ATP10B: variants seen among roughly 807,000 people sequenced by gnomAD.
The protein encoded by ATP10B is ATPase phospholipid transporting 10B (putative).
A neutral mutation model predicts 141.2 loss-of-function variants in ATP10B; 122 were observed. The observed-to-expected ratio is 0.86, with a 90% confidence interval of 0.75 to 1.00. The LOEUF (loss-of-function observed/expected upper bound fraction) is 1.00, where lower values mean the gene tolerates loss of function less well. Among genes scored for constraint, ATP10B ranks in the 50% least tolerant of loss-of-function variants. The pLI is 0.00. For synonymous variants in ATP10B, 685 were observed against 692.0 expected, an observed-to-expected ratio of 0.99 and a Z score of 0.16; for missense variants, 1,876 against 1,825.3, an observed-to-expected ratio of 1.03 and a Z score of -0.51.
At chr5:160,749,872 A>C (rs903756156) in intron 2 of ATP10B, among the ~76,000 whole-genome samples, 1 of 152,164 alleles carries the variant, frequency 6.6e-6, no homozygotes, top group Non-Finnish European at 1.5e-5. Flanking sequence ...CCCTATCTTC[A>C]TGGCACTCTA....
At position 160,606,860 on chromosome 5, in the gene ATP10B, C is replaced by T. The variant is rs1156984317; in HGVS notation, c.3065G>A (p.Cys1022Tyr). 6.2e-7 allele frequency: 1 copy of T among 1,614,058 alleles called. No homozygotes were observed. The highest frequency in any genetic ancestry group is 8.5e-7 in the Non-Finnish European group (1 of 1,180,016). Reference sequence around the variant, plus strand: ...GGAGCGGCAGCACAGGACGGACCGACAATACTGGGTCAATTCCAGAAACTT... The same window carrying T: ...GGAGCGGCAGCACAGGACGGACCGATAATACTGGGTCAATTCCAGAAACTT... ...EKKFLELTQY[C>Y]RSVLCCRSTP... Residue 1022 changes from cysteine (C) to tyrosine (Y), a missense_variant, in exon 19 of 26, where the codon TGT becomes TAT. Cys to Tyr is a radical substitution (Grantham distance 194). Transcript: ENST00000327245.
chr5:160,897,751 G>T, the ATP10B span, among the ~76,000 whole-genome samples: 1,684 of 152,216 alleles, frequency 0.011, 20 homozygotes, highest in African/African-American at 0.038. Context: ...TAAGCCAAAA[G>T]AACAAAGCTG....
intron 3 of ATP10B, among the ~76,000 whole-genome samples, chr5:160,697,667 G>A (rs544245627): frequency 6.6e-4 from 100 of 152,110 alleles, no homozygotes; most frequent in African/African-American, 2.1e-3. Context: ...GAGAGAGTGA[G>A]AAAGAAATAG....
At position 160,636,327 on chromosome 5, in the gene ATP10B, C is replaced by T. The variant is rs768344765; in HGVS notation, c.1001-18G>A. 5 of 1,609,924 alleles carry T rather than the reference C, an allele frequency of 3.1e-6. No homozygotes were observed. Among genetic ancestry groups the T allele is most frequent in the East Asian group, 2.2e-5 (1 of 44,828 alleles). On this transcript the variant is annotated intron_variant, in intron 10 of 25. Transcript: ENST00000327245. ...GCTGTGACCTGAGAGGAGGCAAAAC[C>T]AGGAATGAGGCTGAATCTCTACTAA...
the ATP10B span, among the ~76,000 whole-genome samples, chr5:160,904,850 G>A: frequency 6.6e-6 from 1 of 152,214 alleles, no homozygotes; most frequent in Non-Finnish European, 1.5e-5. Context: ...TTCACATGGT[G>A]CCTGACTGTG....
chr5:160,817,182 G>T (rs535769010), intron 1 of ATP10B, among the ~76,000 whole-genome samples: 1 of 152,252 alleles, frequency 6.6e-6, no homozygotes, highest in East Asian at 1.9e-4. Context: ...GAAATAAAGG[G>T]TATACAATTA....
chr5:160,728,361 G>T (rs550618446), intron 2 of ATP10B, among the ~76,000 whole-genome samples: 1 of 152,236 alleles, frequency 6.6e-6, no homozygotes, highest in South Asian at 2.1e-4. Flanking sequence ...TATTGATTGA[G>T]ATCTTTGCTT....
chr5:160,690,780 T>C (rs1764030266), intron 3 of ATP10B, among the ~76,000 whole-genome samples: 1 of 152,172 alleles, frequency 6.6e-6, no homozygotes, highest in South Asian at 2.1e-4. Flanking sequence ...AGTTCAATCA[T>C]TGTGGAAGAG....
At chr5:160,734,916 T>G (rs1468792381) in intron 2 of ATP10B, among the ~76,000 whole-genome samples, 1 of 151,896 alleles carries the variant, frequency 6.6e-6, no homozygotes, top group Non-Finnish European at 1.5e-5. Context: ...GCAAACAGTG[T>G]TGTTATCAGG....
chr5:160,799,555 T>C (rs76820391), intron 1 of ATP10B, among the ~76,000 whole-genome samples: 3 of 151,764 alleles, frequency 2.0e-5, no homozygotes, highest in African/African-American at 7.3e-5. Flanking sequence ...AAGTGCTTAT[T>C]TGAGGGCGAG....
intron 1 of ATP10B, among the ~76,000 whole-genome samples, chr5:160,814,888 C>T (rs1469796672): frequency 6.6e-6 from 1 of 152,110 alleles, no homozygotes; most frequent in East Asian, 1.9e-4. Flanking sequence ...CCAAACTAAG[C>T]TTCATAAATG....
At chr5:160,730,990 T>C (rs1317894387) in intron 2 of ATP10B, among the ~76,000 whole-genome samples, 2 of 152,202 alleles carry the variant, frequency 1.3e-5, no homozygotes, top group Non-Finnish European at 2.9e-5. Context: ...CTGGGTTCTC[T>C]GTAAGACCCC....
At chr5:160,886,229 A>C in the ATP10B span, among the ~76,000 whole-genome samples, 1 of 152,222 alleles carries the variant, frequency 6.6e-6, no homozygotes, top group African/African-American at 2.4e-5. Context: ...GGATAAGGCA[A>C]AATGACATGG....
chr5:160,926,589 C>T, the ATP10B span, among the ~76,000 whole-genome samples: 20 of 152,154 alleles, frequency 1.3e-4, no homozygotes, highest in African/African-American at 4.1e-4. Flanking sequence ...GCCAGAAACG[C>T]TTAACACCCA....
intron 1 of ATP10B, among the ~76,000 whole-genome samples, chr5:160,808,398 A>T (rs1418807318): frequency 5.2e-4 from 79 of 152,288 alleles, no homozygotes; most frequent in Non-Finnish European, 5.9e-5. Context: ...TTATCAGAGG[A>T]TCCTATACCA....
chr5:160,881,857 G>T, the ATP10B span, among the ~76,000 whole-genome samples: 2 of 151,946 alleles, frequency 1.3e-5, no homozygotes, highest in Admixed American at 6.6e-5. Flanking sequence ...CCAAAAGTTG[G>T]ACGCAACCAA....
chr5:160,758,557 GATCATTGT>G (rs1235989942), intron 2 of ATP10B, among the ~76,000 whole-genome samples: 3 of 152,168 alleles, frequency 2.0e-5, no homozygotes, highest in Non-Finnish European at 4.4e-5. Context: ...TAGGGGTCAA[GATCATTGT>G]ATCCTGAAAA....
In ATP10B at chr5:160,839,999, A is replaced by G. The variant is rs192614566; in HGVS notation, c.-576+11942T>C. On this transcript the variant is annotated intron_variant, in intron 1 of 25. Transcript: ENST00000327245. ...ATAATAAGAAAATTTTATTTACAAT[A>G]CCAACAAAAATATTTAGGAGCAAGC... 6.0e-3 allele frequency among the ~76,000 whole-genome samples: 918 copies of G among 152,170 alleles called. 13 individuals are homozygous for G. The highest frequency in any genetic ancestry group is 0.021 in the African/African-American group (874 of 41,564).
At chr5:160,592,566 G>A (rs1756387726) in intron 22 of ATP10B, among the ~76,000 whole-genome samples, 1 of 152,228 alleles carries the variant, frequency 6.6e-6, no homozygotes, top group South Asian at 2.1e-4. Flanking sequence ...GTGGGCACAG[G>A]ACAGTGGGTG....
Sources: allele counts gnomAD v4.1 joint callset (sites outside exome capture counted in the v4.1 genomes callset), GRCh38; gene constraint gnomAD v4.1.1; transcripts MANE v1.5; gene names NCBI Gene and HGNC (gene_info 2026-07-23, HGNC 2026-07-21).